PRKAR1B: variants seen among roughly 807,000 people sequenced by gnomAD.
PRKAR1B encodes the protein protein kinase cAMP-dependent type I regulatory subunit beta.
In PRKAR1B, 22 loss-of-function variants were observed where a neutral mutation model predicts 46.5. The ratio of observed to expected loss-of-function variants is 0.47; its 90% CI spans 0.34 to 0.68. The LOEUF is 0.68. Ranked by LOEUF, PRKAR1B falls within the 30% of genes least tolerant of loss-of-function variation. The pLI, the probability that PRKAR1B is intolerant of heterozygous loss-of-function variation, is 0.01. For missense variants in PRKAR1B, 445 were observed against 535.6 expected (o/e 0.83, Z 1.67); for synonymous variants, 259 against 217.7 (o/e 1.19, Z -1.67).
At chr7:610,021 G>A (rs1043469934) in intron 4 of PRKAR1B, among the ~76,000 whole-genome samples, 8 of 152,214 alleles carry the variant, frequency 5.3e-5, no homozygotes, top group African/African-American at 1.9e-4. Flanking sequence ...GGGATTACAG[G>A]CATGAGCCGC....
In PRKAR1B at chr7:605,736, C is replaced by G. The variant is rs191523514; in HGVS notation, c.549+457G>C. ...GACGTTCCAAGCTGGGAGCCAAACG[C>G]AGGCGCAAAAGGCAGCCGTTGTTTG... On this transcript the variant is annotated intron_variant, in intron 6 of 10. Transcript: ENST00000537384. 2.8e-4 allele frequency among the ~76,000 whole-genome samples: 43 copies of G among 152,282 alleles called. No individual in the cohort carries two copies. The East Asian group carries it at 7.4e-3, about 26-fold the overall frequency.
chr7:638,848 G>A (rs1562581318), intron 4 of PRKAR1B, among the ~76,000 whole-genome samples: 1 of 152,156 alleles, frequency 6.6e-6, no homozygotes, highest in East Asian at 1.9e-4. Context: ...AGGCTGAAGC[G>A]GGCGGATCAC....
intron 7 of PRKAR1B, among the ~76,000 whole-genome samples, chr7:595,717 T>C (rs955022477): frequency 6.6e-6 from 1 of 151,840 alleles, no homozygotes; most frequent in Non-Finnish European, 1.5e-5. Context: ...TGGCCACATA[T>C]AAGAAAAAAA....
chr7:663,602 C>T (rs1052262408), intron 4 of PRKAR1B, among the ~76,000 whole-genome samples: 8 of 152,098 alleles, frequency 5.3e-5, no homozygotes, highest in South Asian at 2.1e-4. Flanking sequence ...GGGGAGGGGA[C>T]GGCTGTGTCC....
intron 1 of PRKAR1B, among the ~76,000 whole-genome samples, chr7:715,720 TA>T (rs1292139830): frequency 1.3e-5 from 2 of 151,782 alleles, no homozygotes; most frequent in African/African-American, 2.4e-5. Flanking sequence ...AGCCACATTT[TA>T]TTTTTTTTTT....
In PRKAR1B at chr7:566,412, CATT is replaced by C. The variant is rs369406116; in HGVS notation, c.891+12841_891+12843del. 9.8e-3 allele frequency among the ~76,000 whole-genome samples: 1,488 copies of C among 151,264 alleles called. 30 individuals carry two copies. Among genetic ancestry groups the C allele is most frequent in the African/African-American group, 0.032 (1,331 of 41,446 alleles). On this transcript the variant is annotated intron_variant, in intron 9 of 10. Transcript: ENST00000537384. The stretch of plus-strand genomic sequence containing the variant: ...CCACCATCACCACCACTTCCACCAT[CATT>C]ATCACCATCACCACCATCACCATCA...
chr7:554,600 G>A (rs1052282961), intron 9 of PRKAR1B, among the ~76,000 whole-genome samples: 9 of 151,598 alleles, frequency 5.9e-5, no homozygotes, highest in Admixed American at 5.2e-4. Context: ...AGAAGACAGG[G>A]GAGGCCACGG....
At chr7:634,262 T>TG (rs879733526) in intron 4 of PRKAR1B, among the ~76,000 whole-genome samples, 14 of 151,508 alleles carry the variant, frequency 9.2e-5, no homozygotes, top group Non-Finnish European at 1.8e-4. Flanking sequence ...GACCTTGTGA[T>TG]CCGCCCGCCT....
intron 8 of PRKAR1B, among the ~76,000 whole-genome samples, chr7:581,496 C>G (rs1379058158): frequency 6.6e-6 from 1 of 152,148 alleles, no homozygotes; most frequent in Non-Finnish European, 1.5e-5. Flanking sequence ...GGAGTGTTTT[C>G]TTTACTGGTT....
At chr7:570,274 G>C (rs970436660) in intron 9 of PRKAR1B, among the ~76,000 whole-genome samples, 2 of 152,228 alleles carry the variant, frequency 1.3e-5, no homozygotes, top group African/African-American at 2.4e-5. Flanking sequence ...GGGTGGGCCA[G>C]GGATTTGGTT....
intron 7 of PRKAR1B, among the ~76,000 whole-genome samples, chr7:594,553 G>A (rs936163474): frequency 2.6e-5 from 4 of 152,276 alleles, no homozygotes; most frequent in African/African-American, 7.2e-5. Flanking sequence ...AACCACAGGC[G>A]CTGGCTCCTG....
rs560502474 is a variant in PRKAR1B, at chr7:586,944, T to C, written c.709-2376A>G. ...TGTTGCCCAGGCTGGAGTGTAGTGG[T>C]GCGATCTCGGCTCACTGCAAGCTCC... On this transcript the variant is annotated intron_variant, in intron 7 of 10. Transcript: ENST00000537384. 7.4e-5 allele frequency among the ~76,000 whole-genome samples: 11 copies of C among 147,778 alleles called. 1 individual carries two copies. The South Asian group carries it at 2.4e-3, about 32-fold the overall frequency.
chr7:647,731 G>C (rs756862660), intron 4 of PRKAR1B, among the ~76,000 whole-genome samples: 97 of 150,648 alleles, frequency 6.4e-4, no homozygotes, highest in Non-Finnish European at 1.1e-3. Context: ...GCATGAACCT[G>C]GGGGGGCAGA....
intron 1 of PRKAR1B, among the ~76,000 whole-genome samples, chr7:717,742 C>T (rs1201114026): frequency 5.3e-5 from 8 of 152,070 alleles, no homozygotes; most frequent in Non-Finnish European, 8.8e-5. Context: ...CAAAATTTCA[C>T]GGGAAATTTT....
intron 2 of PRKAR1B, among the ~76,000 whole-genome samples, chr7:684,736 C>A (rs1362209824): frequency 6.6e-6 from 1 of 152,170 alleles, no homozygotes; most frequent in Non-Finnish European, 1.5e-5. Context: ...CCTTCTCTTC[C>A]CTTTTACAGT....
chr7:571,433 G>A (rs1322887602), intron 9 of PRKAR1B, among the ~76,000 whole-genome samples: 1 of 152,254 alleles, frequency 6.6e-6, no homozygotes, highest in African/African-American at 2.4e-5. Context: ...CGGCGGGGAG[G>A]AGGCGCGGGG....
At chr7:727,031 T>C in intron 1 of PRKAR1B, 179 bp downstream of exon 1, 1 of 1,142,376 alleles carries the variant, frequency 8.8e-7, no homozygotes. Flanking sequence ...GATCTGGGCC[T>C]GCGCCGCGCC....
At position 644,338 on chromosome 7, in the gene PRKAR1B, C is replaced by A. The variant is rs760548801; in HGVS notation, c.440+32891G>T. Among the ~76,000 whole-genome samples, 7 of 152,170 alleles carry A rather than the reference C, an allele frequency of 4.6e-5. No individual in the cohort carries two copies. The highest frequency in any genetic ancestry group is 8.8e-5 in the Non-Finnish European group (6 of 68,022). On this transcript the variant is annotated intron_variant, in intron 4 of 10. Coordinates refer to ENST00000537384, the MANE Select transcript of PRKAR1B (RefSeq NM_001164760.2). This position sits in a 1 kb window ranked among gnomAD's most constrained non-coding sequence, Gnocchi z 4.9. ...CTGCTCCACCCCACACTGTGAGGAGCTGGAGGTACACAATGAGGTGGGGAA... is the reference window on the plus strand; with the variant it reads ...CTGCTCCACCCCACACTGTGAGGAGATGGAGGTACACAATGAGGTGGGGAA...
At chr7:622,738 G>C (rs945705856) in intron 4 of PRKAR1B, among the ~76,000 whole-genome samples, 1 of 152,196 alleles carries the variant, frequency 6.6e-6, no homozygotes, top group African/African-American at 2.4e-5. Flanking sequence ...AGACGGGAAT[G>C]ATGAGTGAAG....
Sources: allele counts gnomAD v4.1 joint callset (sites outside exome capture counted in the v4.1 genomes callset), GRCh38; gene constraint gnomAD v4.1.1; non-coding constraint Gnocchi (gnomAD v3.1); transcripts MANE v1.5; gene names NCBI Gene and HGNC (gene_info 2026-07-23, HGNC 2026-07-21).